The following AKAP1 variants were observed in gnomAD, a reference collection of about 807,000 sequenced individuals.
AKAP1 encodes A-kinase anchoring protein 1.
A neutral mutation model predicts 79.8 loss-of-function variants in AKAP1; 32 were observed. The ratio of observed to expected loss-of-function variants is 0.40; its 90% CI spans 0.30 to 0.54. The LOEUF is 0.54. AKAP1 is among the 20% of genes least tolerant of loss of function. The pLI, the probability that AKAP1 is intolerant of heterozygous loss-of-function variation, is 0.47. For synonymous variants in AKAP1, 416 were observed against 466.7 expected (o/e 0.89, Z 1.40); for missense variants, 961 against 1,138.9 (o/e 0.84, Z 2.25).
intron 5 of AKAP1, among the ~76,000 whole-genome samples, chr17:57,113,720 A>G (rs2144761894): frequency 6.8e-6 from 1 of 146,004 alleles, no homozygotes; most frequent in East Asian, 2.1e-4. Flanking sequence ...ATCCTGCCCC[A>G]GCCTCCTGAG....
rs1400729805 is a variant in AKAP1 at position 57,115,242 on chromosome 17, G to C, written c.2281+606G>C. ...CAGAACATCACCCATTCCTCACCAGGGGATGGCAGGGTCACTCAGTGCAGT... is the reference window on the plus strand; with the variant it reads ...CAGAACATCACCCATTCCTCACCAGCGGATGGCAGGGTCACTCAGTGCAGT... On this transcript the variant is annotated intron_variant, in intron 6 of 10. Transcript: ENST00000337714. 5.3e-5 allele frequency among the ~76,000 whole-genome samples: 8 copies of C among 152,270 alleles called. No homozygotes were observed. The East Asian group carries it at 1.5e-3, about 29-fold the overall frequency.
intron 1 of AKAP1, among the ~76,000 whole-genome samples, chr17:57,090,544 A>G (rs547344976): frequency 2.0e-5 from 3 of 149,690 alleles, no homozygotes; most frequent in South Asian, 4.3e-4. Flanking sequence ...TTATCACCAC[A>G]TCCTCATTCA....
intron 1 of AKAP1, chr17:57,093,604 A>G (rs895386276): frequency 6.6e-6 from 1 of 152,200 alleles, no homozygotes; most frequent in Non-Finnish European, 1.5e-5. Context: ...ATTAATGCAA[A>G]TTTAGGATGG....
At chr17:57,091,567 C>T (rs1333312266) in intron 1 of AKAP1, among the ~76,000 whole-genome samples, 2 of 152,042 alleles carry the variant, frequency 1.3e-5, no homozygotes, top group Non-Finnish European at 2.9e-5. Context: ...TGAGGCAGCC[C>T]GGGGAGCTGG....
At position 57,116,190 on chromosome 17, in the gene AKAP1, C is replaced by T. The variant is rs116543447; in HGVS notation, c.2361C>T (p.Asn787=). Reference sequence around the variant, plus strand: ...TGGTTGCCTCCTACGAGGAGACCAACGAAGTGGAGATTCGATACGTGGACT... The same window carrying T: ...TGGTTGCCTCCTACGAGGAGACCAATGAAGTGGAGATTCGATACGTGGACT... ...AQVVASYEET[N]EVEIRYVDYG... The change falls in exon 7 of 11, where the codon AAC becomes AAT. Residue 787 remains asparagine (N), a synonymous_variant. Transcript: ENST00000337714. The T allele has an allele frequency of 9.4e-4, 1,515 of 1,614,162 alleles. 11 individuals carry two copies. In the African/African-American group the frequency reaches 0.016, roughly 17 times the overall value.
chr17:57,086,439 G>C lies in AKAP1; in HGVS notation c.-25+1041G>C. On this transcript the variant is annotated intron_variant, in intron 1 of 10. Coordinates refer to ENST00000337714, the MANE Select transcript of AKAP1 (RefSeq NM_003488.4). The surrounding 1 kb of genome is among the most constrained non-coding windows in gnomAD (Gnocchi z 5.1). ...GCTGTGGCGACTCGGAACGGCATGGGAGCCCTGGGCGTTTCGGGATCTTCC... is the reference window on the plus strand; with the variant it reads ...GCTGTGGCGACTCGGAACGGCATGGCAGCCCTGGGCGTTTCGGGATCTTCC... The C allele has an allele frequency of 4.4e-6, 2 of 456,482 alleles. No individual in the cohort carries two copies. Among genetic ancestry groups the C allele is most frequent in the Non-Finnish European group, 8.8e-6 (2 of 226,828 alleles). 28.3% of individuals were successfully genotyped at this position (456,482 alleles called of 1,614,324 possible). A position where few individuals can be genotyped will look rare whatever the true frequency, so the allele number is the denominator to read the frequency against.
intron 1 of AKAP1, among the ~76,000 whole-genome samples, chr17:57,099,473 C>T (rs1914347498): frequency 6.6e-6 from 1 of 152,142 alleles, no homozygotes; most frequent in Non-Finnish European, 1.5e-5. Flanking sequence ...GAGAGATGGG[C>T]ACTGGGAATT....
intron 1 of AKAP1, among the ~76,000 whole-genome samples, chr17:57,100,257 TG>T (rs1158635646): frequency 2.6e-5 from 4 of 152,126 alleles, no homozygotes; most frequent in Admixed American, 2.6e-4. Context: ...CTGGGTGAAA[TG>T]GGATTGCCTA....
chr17:57,098,481 A>C (rs924429107), intron 1 of AKAP1: 1 of 151,272 alleles, frequency 6.6e-6, no homozygotes, highest in East Asian at 1.9e-4. Flanking sequence ...TCAGGTTTAC[A>C]AAAAAAAACA....
At position 57,120,273 on chromosome 17, in the gene AKAP1, G is replaced by A. The variant is rs775133540; in HGVS notation, c.2661G>A (p.Leu887=). The change falls in exon 11 of 11, where the codon CTG becomes CTA. Residue 887 remains leucine (L), a synonymous_variant. Transcript: ENST00000337714. ...AGGTGGTGTTGATAAACCGGTCCCT[G>A]GTGGAGCGAGGCCTTGCCCAGTGGG... is the stretch of plus-strand genomic sequence containing the variant. The part of the protein sequence containing the change: ...GDEVVLINRS[L]VERGLAQWVD... The A allele has an allele frequency of 6.2e-7, 1 of 1,613,778 alleles. No homozygotes were observed. Among genetic ancestry groups the A allele is most frequent in the East Asian group, 2.2e-5 (1 of 44,866 alleles).
chr17:57,107,006 A>C lies in AKAP1; in HGVS notation c.1542A>C (p.Ser514=). ...PGHCSDSFST[S]GLEDSCTETS... is the part of the protein sequence containing the mutation. ...ACTGCTCAGATTCTTTCAGCACTTC[A>C]GGGCTTGAAGACTCTTGCACAGAGA... The change falls in exon 2 of 11, where the codon TCA becomes TCC. Residue 514 remains serine (S), a synonymous_variant. Transcript: ENST00000337714. 2 of 1,614,152 alleles carry C rather than the reference A, an allele frequency of 1.2e-6. No individual in the cohort carries two copies. The highest frequency in any genetic ancestry group is 4.5e-5 in the East Asian group (2 of 44,880).
At chr17:57,090,420 C>T (rs1271012452) in intron 1 of AKAP1, among the ~76,000 whole-genome samples, 1 of 152,096 alleles carries the variant, frequency 6.6e-6, no homozygotes, top group Admixed American at 6.6e-5. Context: ...AAACTGGTCC[C>T]TGGACACAGC....
In AKAP1 at chr17:57,106,473, G is replaced by C; in HGVS notation, c.1009G>C (p.Gly337Arg). Residue 337 changes from glycine (G) to arginine (R), a missense_variant, in exon 2 of 11, where the codon GGC (glycine) becomes CGC (arginine). This residue lies in a region of AKAP1 where 629 missense variants were observed against 781.1 expected (regional missense o/e 0.81). Coordinates refer to ENST00000337714, the MANE Select transcript of AKAP1 (RefSeq NM_003488.4). Reference protein sequence around the residue: ...NEESLDRNEEGLDRNEEIKRA... With the variant: ...NEESLDRNEERLDRNEEIKRA... ...GGAGAGCTTGGATAGAAATGAGGAG[G>C]GCTTGGATAGAAATGAGGAGATTAA... 3.1e-6 allele frequency: 5 copies of C among 1,605,232 alleles called. No homozygotes were observed. Among genetic ancestry groups the C allele is most frequent in the Non-Finnish European group, 4.3e-6 (5 of 1,175,750 alleles).
At chr17:57,094,315 C>G (rs1913959899) in intron 1 of AKAP1, 1 of 152,276 alleles carries the variant, frequency 6.6e-6, no homozygotes, top group Admixed American at 6.5e-5. Flanking sequence ...AGTGCCCCTC[C>G]TTTCTTGGTT....
intron 2 of AKAP1, among the ~76,000 whole-genome samples, chr17:57,108,994 C>T (rs552431703): frequency 1.1e-4 from 17 of 152,336 alleles, no homozygotes; most frequent in Non-Finnish European, 2.4e-4. Flanking sequence ...GAATCCTGTT[C>T]GAAGCGCCTA....
At position 57,116,763 on chromosome 17, in the gene AKAP1, C is replaced by T. The variant is rs906176790; in HGVS notation, c.2433-97C>T. 5 of 1,198,542 alleles carry T rather than the reference C, an allele frequency of 4.2e-6. No homozygotes were observed. The African/African-American group carries it at 7.5e-5, about 18-fold the overall frequency. 74.2% of individuals were successfully genotyped at this position (1,198,542 alleles called of 1,614,324 possible). The stretch of plus-strand genomic sequence containing the variant: ...TACGAACCCTCTGCTTTGCTGCATC[C>T]CAGGTTATGGGCGTCACTGTACAAA... On this transcript the variant is annotated intron_variant, in intron 7 of 10. Transcript: ENST00000337714.
intron 9 of AKAP1, among the ~76,000 whole-genome samples, chr17:57,118,682 G>A (rs748677428): frequency 5.9e-5 from 9 of 152,150 alleles, no homozygotes; most frequent in Non-Finnish European, 1.3e-4. Flanking sequence ...ACAATTCTGC[G>A]GGCCTGGGGA....
intron 1 of AKAP1, among the ~76,000 whole-genome samples, chr17:57,097,140 C>A (rs1428897603): frequency 6.6e-6 from 1 of 152,184 alleles, no homozygotes; most frequent in Non-Finnish European, 1.5e-5. Context: ...TACTTTGGGA[C>A]TCACTGTTCC....
chr17:57,098,166 T>TGCCTAC (rs1304968616), intron 1 of AKAP1, among the ~76,000 whole-genome samples: 1 of 152,246 alleles, frequency 6.6e-6, no homozygotes, highest in Admixed American at 6.5e-5. Flanking sequence ...CCTGTGGCTG[T>TGCCTAC]AGCACGTGCC....
Sources: allele counts gnomAD v4.1 joint callset (sites outside exome capture counted in the v4.1 genomes callset), GRCh38; gene constraint gnomAD v4.1.1; regional missense constraint gnomAD v4.1.1; non-coding constraint Gnocchi (gnomAD v3.1); transcripts MANE v1.5; gene names NCBI Gene and HGNC (gene_info 2026-07-23, HGNC 2026-07-21).